Variants in IL1R1 observed in about 807,000 individuals in gnomAD.
IL1R1 encodes interleukin 1 receptor type 1, also known as interleukin-1 receptor type 1.
Under a neutral mutation model 50.2 loss-of-function variants are expected in IL1R1, and 22 were observed. The ratio of observed to expected loss-of-function variants is 0.44; its 90% CI spans 0.31 to 0.63. IL1R1 has a LOEUF of 0.63. Among genes scored for constraint, IL1R1 ranks in the 20% least tolerant of loss-of-function variants. The probability of loss-of-function intolerance (pLI) is 0.07; values close to 1 mark genes in which losing one functional copy is unlikely to be tolerated. For synonymous variants in IL1R1, 251 were observed against 236.7 expected (o/e 1.06, Z -0.55); for missense variants, 509 against 676.2 (o/e 0.75, Z 2.74).
intron 1 of IL1R1, among the ~76,000 whole-genome samples, chr2:102,088,887 T>C (rs535408930): frequency 6.6e-6 from 1 of 152,358 alleles, no homozygotes; most frequent in Admixed American, 6.5e-5. Flanking sequence ...CAACCTCTGC[T>C]AGCTTCCAAC....
intron 1 of IL1R1, among the ~76,000 whole-genome samples, chr2:102,098,272 C>A (rs1044282576): frequency 6.6e-6 from 1 of 152,086 alleles, no homozygotes; most frequent in African/African-American, 2.4e-5. Flanking sequence ...TAAATGATGT[C>A]TACTAAAAAC....
intron 1 of IL1R1, among the ~76,000 whole-genome samples, chr2:102,130,013 A>G (rs1021210434): frequency 1.3e-5 from 2 of 152,238 alleles, no homozygotes; most frequent in African/African-American, 4.8e-5. Flanking sequence ...TTAAAAAACG[A>G]AAGTATCAAA....
rs150921576 is a variant in IL1R1 at position 102,070,718 on chromosome 2, C to A, written c.-84+185C>A. On this transcript the variant is annotated intron_variant, in intron 1 of 11. Coordinates refer to the IL1R1 transcript ENST00000409929. ...AGCAAAAATAAATTTCCAGAAGGGG[C>A]CCCTTTACTCTGAGGACATTGAATA... 1.1e-3 allele frequency among the ~76,000 whole-genome samples: 160 copies of A among 152,210 alleles called. 1 individual carries two copies. The highest frequency in any genetic ancestry group is 3.8e-3 in the African/African-American group (158 of 41,530).
intron 1 of IL1R1, among the ~76,000 whole-genome samples, chr2:102,080,243 A>G (rs749024790): frequency 1.3e-5 from 2 of 152,212 alleles, no homozygotes; most frequent in Non-Finnish European, 2.9e-5. Context: ...GCACTTCACC[A>G]AAATTAAATC....
intron 1 of IL1R1, among the ~76,000 whole-genome samples, chr2:102,082,453 T>C (rs1679253471): frequency 6.6e-6 from 1 of 152,222 alleles, no homozygotes; most frequent in African/African-American, 2.4e-5. Flanking sequence ...ACATTTGCTT[T>C]CTTTTTGTTT....
rs147984449 is a variant in IL1R1, at chr2:102,108,945, G to GAATAATAAT, written c.-84+4109_-84+4117dup. Among the ~76,000 whole-genome samples the GAATAATAAT allele has an allele frequency of 1.1e-3, 162 of 145,422 alleles. 1 individual carries two copies. Among genetic ancestry groups the GAATAATAAT allele is most frequent in the South Asian group, 1.1e-3 (5 of 4,556 alleles). ...TTAGTAATGGTTTGAACTTGGTACT[G>GAATAATAAT]AATAATAATAATAATAATAATAATA... On this transcript the variant is annotated intron_variant, in intron 1 of 10. Coordinates refer to the IL1R1 transcript ENST00000409329.
rs928788774 is a variant in IL1R1, at chr2:102,075,503, GA to G, written c.-84+4979del. ...TTAAAGAGGTGATTACCAGTTATTT[GA>G]AAAAAAAATTCACCTCTTTCCAAGG... On this transcript the variant is annotated intron_variant, in intron 1 of 11. Transcript: ENST00000409929. 1.7e-3 allele frequency among the ~76,000 whole-genome samples: 264 copies of G among 151,176 alleles called. 2 individuals are homozygous for G. Among genetic ancestry groups the G allele is most frequent in the African/African-American group, 5.7e-3 (236 of 41,266 alleles).
At chr2:102,155,750 A>G (rs1003022777) in intron 2 of IL1R1, among the ~76,000 whole-genome samples, 5 of 152,090 alleles carry the variant, frequency 3.3e-5, no homozygotes, top group Non-Finnish European at 1.5e-5. Flanking sequence ...TTGCCCTTTT[A>G]TAGTCTATTA....
At chr2:102,094,387 C>A (rs1679810401) in intron 1 of IL1R1, among the ~76,000 whole-genome samples, 1 of 152,160 alleles carries the variant, frequency 6.6e-6, no homozygotes, top group African/African-American at 2.4e-5. Flanking sequence ...GATATGGGGT[C>A]TGATTATAAA....
At chr2:102,079,689 T>C (rs1679124235) in intron 1 of IL1R1, among the ~76,000 whole-genome samples, 1 of 152,126 alleles carries the variant, frequency 6.6e-6, no homozygotes, top group Non-Finnish European at 1.5e-5. Flanking sequence ...CCCAGATTTA[T>C]CACAATCCTT....
intron 1 of IL1R1, among the ~76,000 whole-genome samples, chr2:102,136,353 A>G (rs949991954): frequency 1.3e-5 from 2 of 149,318 alleles, no homozygotes; most frequent in African/African-American, 4.9e-5. Flanking sequence ...ATTGTCCCTC[A>G]GGGCAATCAT....
At chr2:102,097,353 G>T (rs1679948933) in intron 1 of IL1R1, among the ~76,000 whole-genome samples, 3 of 152,112 alleles carry the variant, frequency 2.0e-5, no homozygotes, top group Admixed American at 2.0e-4. Context: ...CATATTTAAT[G>T]AACATTAATT....
chr2:102,088,081 C>T (rs1367031281), intron 1 of IL1R1, among the ~76,000 whole-genome samples: 3 of 152,298 alleles, frequency 2.0e-5, no homozygotes, highest in East Asian at 1.9e-4. Flanking sequence ...AAGTCATCCA[C>T]GAGGGTTGGA....
At chr2:102,116,155 TC>T (rs942833402) in intron 1 of IL1R1, among the ~76,000 whole-genome samples, 1 of 152,180 alleles carries the variant, frequency 6.6e-6, no homozygotes, top group African/African-American at 2.4e-5. Context: ...GGTTCAGATG[TC>T]CCCCAATGCA....
chr2:102,149,095 T>G (rs1295423339), intron 1 of IL1R1, among the ~76,000 whole-genome samples: 1 of 152,222 alleles, frequency 6.6e-6, no homozygotes, highest in Non-Finnish European at 1.5e-5. Flanking sequence ...TTTCATGAGC[T>G]AAAGAACCTG....
intron 3 of IL1R1, among the ~76,000 whole-genome samples, chr2:102,160,799 T>C (rs916856860): frequency 6.6e-6 from 1 of 152,226 alleles, no homozygotes; most frequent in African/African-American, 2.4e-5. Context: ...GCCTAGGCTT[T>C]CCTTTTGTTT....
At chr2:102,109,538 C>G (rs1280534866) in intron 1 of IL1R1, among the ~76,000 whole-genome samples, 1 of 152,100 alleles carries the variant, frequency 6.6e-6, no homozygotes, top group African/African-American at 2.4e-5. Context: ...TTGGTTCTTC[C>G]ATCCAAAGGT....
At chr2:102,087,695 G>T (rs955491546) in intron 1 of IL1R1, among the ~76,000 whole-genome samples, 1 of 152,136 alleles carries the variant, frequency 6.6e-6, no homozygotes, top group Non-Finnish European at 1.5e-5. Context: ...CGTGTAAGAC[G>T]TGCCTTGCTT....
At chr2:102,096,120 G>A (rs1205704794) in intron 1 of IL1R1, among the ~76,000 whole-genome samples, 1 of 152,138 alleles carries the variant, frequency 6.6e-6, no homozygotes, top group African/African-American at 2.4e-5. Flanking sequence ...TTCACACTGT[G>A]TCCTATTCAG....
Sources: gnomAD v4.1 joint callset for allele counts (sites outside exome capture counted in the v4.1 genomes callset) on GRCh38, gnomAD v4.1.1 for gene constraint, MANE v1.5 for transcripts, NCBI Gene and HGNC (gene_info 2026-07-23, HGNC 2026-07-21) for gene names.